Variants in DMRT1 observed in about 807,000 individuals in gnomAD.
DMRT1 encodes the protein doublesex and mab-3 related transcription factor 1, also known as doublesex- and mab-3-related transcription factor 1.
DMRT1 carries 7 observed loss-of-function variants against 32.3 expected under a neutral mutation model. That is an observed-to-expected ratio of 0.22 (90% CI 0.12 to 0.41). The LOEUF (loss-of-function observed/expected upper bound fraction) is 0.41. Among genes scored for constraint, DMRT1 ranks in the 10% least tolerant of loss-of-function variants. The pLI is 1.00. For synonymous variants in DMRT1, 278 were observed against 206.1 expected (o/e 1.35, Z -2.99); for missense variants, 625 against 500.5 (o/e 1.25, Z -2.37).
intron 2 of DMRT1, among the ~76,000 whole-genome samples, chr9:887,381 T>C (rs1816972597): frequency 6.6e-6 from 1 of 152,186 alleles, no homozygotes; most frequent in African/African-American, 2.4e-5. Flanking sequence ...CTTAGGTCTG[T>C]TTTTTGTGCT....
chr9:865,159 G>A (rs1252784948), intron 2 of DMRT1, among the ~76,000 whole-genome samples: 1 of 152,122 alleles, frequency 6.6e-6, no homozygotes, highest in East Asian at 1.9e-4. Flanking sequence ...TGAGAGAATG[G>A]TATATGGCTT....
rs778589761 is a variant in DMRT1, at chr9:841,880, G to C, written c.42G>C (p.Ser14=). ...CATTCAGCAAGCCCTCTACACCGTC[G>C]GAAGCCCCTCACGCCCCCGGGGTAC... ...DEAFSKPSTP[S]EAPHAPGVPP... is the part of the protein sequence containing the mutation. Residue 14 remains serine, a synonymous_variant, in exon 1 of 5, where the codon TCG becomes TCC. Transcript: ENST00000382276. The C allele has an allele frequency of 2.5e-6, 4 of 1,612,306 alleles. No individual in the cohort carries two copies. The highest frequency in any genetic ancestry group is 3.4e-6 in the Non-Finnish European group (4 of 1,179,398).
chr9:891,624 C>T (rs113804509), intron 2 of DMRT1, among the ~76,000 whole-genome samples: 4,414 of 151,680 alleles, frequency 0.029, 87 homozygotes, highest in African/African-American at 0.048. Flanking sequence ...AAGCGATTCT[C>T]CTGCCTCAGC....
At position 897,764 on chromosome 9, in the gene DMRT1, T is replaced by A. The variant is rs188221861; in HGVS notation, c.822+3569T>A. Among the ~76,000 whole-genome samples, 74 of 149,262 alleles carry A rather than the reference T, an allele frequency of 5.0e-4. No individual in the cohort carries two copies. In the South Asian group the frequency reaches 7.7e-3, roughly 15 times the overall value. On this transcript the variant is annotated intron_variant, in intron 3 of 4. Coordinates refer to ENST00000382276, the MANE Select transcript of DMRT1 (RefSeq NM_021951.3). Reference sequence around the variant, plus strand: ...AAAATCTATTGAGTTCTTGACTGTTTGTTCATATGTATTTTCGTTAGCTAC... The same window carrying A: ...AAAATCTATTGAGTTCTTGACTGTTAGTTCATATGTATTTTCGTTAGCTAC...
intron 3 of DMRT1, among the ~76,000 whole-genome samples, chr9:900,555 A>C (rs945042978): frequency 6.6e-6 from 1 of 152,124 alleles, no homozygotes; most frequent in Non-Finnish European, 1.5e-5. Flanking sequence ...GAGCCATGGG[A>C]AGACAAGGCG....
chr9:936,074 C>T (rs75862437), intron 4 of DMRT1, among the ~76,000 whole-genome samples: 28 of 152,272 alleles, frequency 1.8e-4, no homozygotes, highest in African/African-American at 4.6e-4. Flanking sequence ...ATGCAGAGCT[C>T]GGAAAAGCAT....
chr9:967,525 T>G (rs1819967543), intron 4 of DMRT1, among the ~76,000 whole-genome samples: 1 of 152,226 alleles, frequency 6.6e-6, no homozygotes, highest in African/African-American at 2.4e-5. Context: ...TGCTATCCAC[T>G]TCACCTGCTG....
intron 4 of DMRT1, among the ~76,000 whole-genome samples, chr9:950,369 CTTG>C (rs771086046): frequency 1.2e-4 from 18 of 152,214 alleles, no homozygotes; most frequent in Non-Finnish European, 2.1e-4. Flanking sequence ...CACCAGCAAG[CTTG>C]TTGTGATGCA....
intron 2 of DMRT1, among the ~76,000 whole-genome samples, chr9:851,487 C>G (rs1449847005): frequency 1.3e-5 from 2 of 152,190 alleles, no homozygotes; most frequent in East Asian, 3.9e-4. Flanking sequence ...GATTGCCCGC[C>G]TCGGCCTCCC....
intron 3 of DMRT1, among the ~76,000 whole-genome samples, chr9:895,352 C>T (rs1471632837): frequency 6.6e-6 from 1 of 152,122 alleles, no homozygotes; most frequent in African/African-American, 2.4e-5. Context: ...AAAAGTTAGA[C>T]TCAACACCTC....
At chr9:921,948 A>T (rs117386576) in intron 4 of DMRT1, among the ~76,000 whole-genome samples, 15 of 152,322 alleles carry the variant, frequency 9.8e-5, no homozygotes, top group Non-Finnish European at 1.6e-4. Flanking sequence ...GGGTGCAATC[A>T]TAGCTCACTG....
In DMRT1 at chr9:870,709, C is replaced by CTTTTTTTTTTTTTTTTTTTTTTTTTTT. The variant is rs58893896; in HGVS notation, c.539-23183_539-23182insTTTTTTTTTTTTTTTTTTTTTTTTTTT. 3.6e-4 allele frequency among the ~76,000 whole-genome samples: 25 copies of CTTTTTTTTTTTTTTTTTTTTTTTTTTT among 69,560 alleles called. 5 individuals are homozygous for CTTTTTTTTTTTTTTTTTTTTTTTTTTT. The highest frequency in any genetic ancestry group is 1.2e-3 in the African/African-American group (19 of 15,232). The allele number at this position is 69,560 out of a possible 152,430, so 45.6% of individuals were successfully genotyped here. A position where few individuals can be genotyped will look rare whatever the true frequency, so the allele number is the denominator to read the frequency against. On this transcript the variant is annotated intron_variant, in intron 2 of 4. Coordinates refer to ENST00000382276, the MANE Select transcript of DMRT1 (RefSeq NM_021951.3). ...GTTCCCATATTTCTCATTTTCTTGA[C>CTTTTTTTTTTTTTTTTTTTTTTTTTTT]TTTTTTTTTTTTTTTTTTTTGAGAC...
At chr9:883,657 T>A (rs934305691) in intron 2 of DMRT1, among the ~76,000 whole-genome samples, 2 of 150,486 alleles carry the variant, frequency 1.3e-5, no homozygotes, top group Non-Finnish European at 3.0e-5. Flanking sequence ...CCGTGTATGG[T>A]GGCGTGCCCC....
At chr9:904,869 G>A (rs2129697867) in intron 3 of DMRT1, among the ~76,000 whole-genome samples, 1 of 151,654 alleles carries the variant, frequency 6.6e-6, no homozygotes, top group Non-Finnish European at 1.5e-5. Context: ...TTGGACCAGG[G>A]AGGCGTAGGT....
chr9:949,317 T>A (rs1270651236), intron 4 of DMRT1, among the ~76,000 whole-genome samples: 3 of 151,788 alleles, frequency 2.0e-5, no homozygotes, highest in Non-Finnish European at 4.4e-5. Context: ...GCAAGCCAAC[T>A]GTGACAGCCC....
In DMRT1 at chr9:846,225, GT is replaced by G. The variant is rs1172005396; in HGVS notation, c.355-732del. Among the ~76,000 whole-genome samples, 14 of 151,936 alleles carry G rather than the reference GT, an allele frequency of 9.2e-5. No individual in the cohort carries two copies. In the South Asian group the frequency reaches 2.3e-3, roughly 25 times the overall value. On this transcript the variant is annotated intron_variant, in intron 1 of 4. Coordinates refer to ENST00000382276, the MANE Select transcript of DMRT1 (RefSeq NM_021951.3). ...TTGTATTTTTTTTAGTGGAGATGGG[GT>G]TTCACCATGTTGGCCAGGCCGATCT...
intron 4 of DMRT1, among the ~76,000 whole-genome samples, chr9:927,885 C>T (rs577501288): frequency 6.6e-6 from 1 of 152,312 alleles, no homozygotes; most frequent in Non-Finnish European, 1.5e-5. Flanking sequence ...GGAACACTTT[C>T]TCCCGGGAGT....
chr9:959,836 C>A (rs995744270), intron 4 of DMRT1, among the ~76,000 whole-genome samples: 10 of 152,144 alleles, frequency 6.6e-5, no homozygotes, highest in Non-Finnish European at 1.3e-4. Flanking sequence ...CCACCTTAAA[C>A]TGGTTTTAGA....
At chr9:862,541 T>A (rs1381114890) in intron 2 of DMRT1, among the ~76,000 whole-genome samples, 1 of 149,774 alleles carries the variant, frequency 6.7e-6, no homozygotes, top group African/African-American at 2.5e-5. Flanking sequence ...GGGAGGGAGA[T>A]TGAGATTTAC....
Sources: allele counts gnomAD v4.1 joint callset (sites outside exome capture counted in the v4.1 genomes callset), GRCh38; gene constraint gnomAD v4.1.1; transcripts MANE v1.5; gene names NCBI Gene and HGNC (gene_info 2026-07-23, HGNC 2026-07-21).